Variants in KIFAP3 observed in about 807,000 individuals in gnomAD.
KIFAP3 encodes kinesin-associated protein 3.
KIFAP3 carries 68 observed loss-of-function variants against 106.5 expected under a neutral mutation model. The observed-to-expected ratio is 0.64, with a 90% confidence interval of 0.53 to 0.78. The LOEUF (loss-of-function observed/expected upper bound fraction) is 0.78, where lower values mean the gene tolerates loss of function less well. Among genes scored for constraint, KIFAP3 ranks in the 30% least tolerant of loss-of-function variants. KIFAP3 has a pLI of 0.00. For synonymous variants in KIFAP3, 320 were observed against 311.5 expected (o/e 1.03, Z -0.29); for missense variants, 780 against 941.8 (o/e 0.83, Z 2.25).
intron 9 of KIFAP3, among the ~76,000 whole-genome samples, chr1:170,019,828 T>C (rs1398084258): frequency 6.6e-6 from 1 of 152,178 alleles, no homozygotes; most frequent in Non-Finnish European, 1.5e-5. Flanking sequence ...CTAGAGGGCA[T>C]ACCCAGTGCA....
intron 10 of KIFAP3, among the ~76,000 whole-genome samples, chr1:169,997,362 A>AT (rs199813320): frequency 0.014 from 2,080 of 152,238 alleles, 115 homozygotes; most frequent in Admixed American, 0.09. Flanking sequence ...TGACAATAAC[A>AT]TTTTTTCTGT....
At chr1:169,926,646 TTAAG>T (rs1376695575) in intron 19 of KIFAP3, among the ~76,000 whole-genome samples, 4 of 148,366 alleles carry the variant, frequency 2.7e-5, no homozygotes, top group East Asian at 2.0e-4. Flanking sequence ...ACATGTAACA[TTAAG>T]TTTTTTCTGT....
At chr1:169,924,774 C>T (rs752582160) in intron 19 of KIFAP3, among the ~76,000 whole-genome samples, 6 of 152,094 alleles carry the variant, frequency 3.9e-5, no homozygotes, top group Admixed American at 1.3e-4. Context: ...GTTCAAAACC[C>T]GGAGAGTTTT....
intron 9 of KIFAP3, among the ~76,000 whole-genome samples, chr1:170,020,160 T>G (rs1237165115): frequency 6.6e-6 from 1 of 152,178 alleles, no homozygotes; most frequent in Non-Finnish European, 1.5e-5. Context: ...AAGACCCACA[T>G]AAATAGAAAG....
intron 1 of KIFAP3, among the ~76,000 whole-genome samples, chr1:170,083,062 G>T (rs1350634077): frequency 6.6e-6 from 1 of 151,998 alleles, no homozygotes; most frequent in African/African-American, 2.4e-5. Flanking sequence ...GAGAAAACCA[G>T]TTCTTAAAAA....
At chr1:169,983,424 A>G (rs1666634923) in intron 12 of KIFAP3, 42 bp from the exon 13 acceptor site, 2 of 1,369,480 alleles carry the variant, frequency 1.5e-6, no homozygotes, top group Non-Finnish European at 1.0e-6. Flanking sequence ...GGTTAGCTTA[A>G]GTTTAATAAT....
rs1022236623 is a variant in KIFAP3 at position 169,934,777 on chromosome 1, T to C, written c.2274-12996A>G. 3.9e-5 allele frequency among the ~76,000 whole-genome samples: 6 copies of C among 152,054 alleles called. No individual in the cohort carries two copies. In the East Asian group the frequency reaches 7.7e-4, roughly 20 times the overall value. ...TATTCTGAATGAACATATAGGTATA[T>C]CTATATTTGTTATTTCAAGTATGCA... On this transcript the variant is annotated intron_variant, in intron 19 of 19. Transcript: ENST00000361580.
At chr1:170,007,928 C>A (rs922541705) in intron 10 of KIFAP3, among the ~76,000 whole-genome samples, 12 of 152,072 alleles carry the variant, frequency 7.9e-5, no homozygotes, top group African/African-American at 2.4e-4. Context: ...GATATATAGA[C>A]CAATGGAAGA....
intron 2 of KIFAP3, among the ~76,000 whole-genome samples, chr1:170,050,803 T>C (rs917963264): frequency 1.3e-5 from 2 of 152,178 alleles, no homozygotes. Flanking sequence ...TGAGGGATTC[T>C]GTCACAACCA....
At chr1:169,949,438 G>A (rs1210498445) in intron 19 of KIFAP3, among the ~76,000 whole-genome samples, 1 of 151,920 alleles carries the variant, frequency 6.6e-6, no homozygotes, top group Admixed American at 6.6e-5. Context: ...AGCAGTCTCT[G>A]CAATTTTTTT....
At chr1:170,070,485 A>G (rs1389505612) in intron 1 of KIFAP3, among the ~76,000 whole-genome samples, 1 of 152,128 alleles carries the variant, frequency 6.6e-6, no homozygotes, top group Admixed American at 6.5e-5. Context: ...GTGCAGGAAT[A>G]AACCCCAACA....
rs888773353 is a variant in KIFAP3 at position 170,031,883 on chromosome 1, T to C, written c.841+3A>G. 32 of 1,581,880 alleles carry C rather than the reference T, an allele frequency of 2.0e-5. No individual in the cohort carries two copies. The highest frequency in any genetic ancestry group is 2.8e-5 in the Non-Finnish European group (32 of 1,152,422). ...GCTTTCCTCATTGCTTAGGAATTCA[T>C]ACCTCGTAATAGCTGTTCCTGTTTT... is the stretch of plus-strand genomic sequence containing the variant. On this transcript the variant is annotated splice_donor_region_variant and intron_variant, in intron 8 of 19. Coordinates refer to ENST00000361580, the MANE Select transcript of KIFAP3 (RefSeq NM_014970.4).
At chr1:169,945,658 A>T (rs1664402984) in intron 19 of KIFAP3, among the ~76,000 whole-genome samples, 1 of 152,214 alleles carries the variant, frequency 6.6e-6, no homozygotes, top group African/African-American at 2.4e-5. Context: ...TAAATTGAAC[A>T]CTAACTTGAA....
At chr1:169,941,600 T>C (rs1475980878) in intron 19 of KIFAP3, among the ~76,000 whole-genome samples, 1 of 152,142 alleles carries the variant, frequency 6.6e-6, no homozygotes, top group Admixed American at 6.5e-5. Context: ...TTTCCTTTTT[T>C]GATTTATTTT....
intron 17 of KIFAP3, among the ~76,000 whole-genome samples, chr1:169,972,103 T>C (rs910427766): frequency 6.6e-6 from 1 of 152,026 alleles, no homozygotes; most frequent in African/African-American, 2.4e-5. Context: ...CAACTGTATG[T>C]ATAAAATAAA....
chr1:170,012,944 T>C (rs1229376987), intron 10 of KIFAP3, among the ~76,000 whole-genome samples: 1 of 152,126 alleles, frequency 6.6e-6, no homozygotes, highest in Non-Finnish European at 1.5e-5. Context: ...TATGATTCAA[T>C]TATCACCACC....
At chr1:170,013,973 CT>C (rs1422301342) in intron 10 of KIFAP3, among the ~76,000 whole-genome samples, 2 of 152,174 alleles carry the variant, frequency 1.3e-5, no homozygotes, top group Non-Finnish European at 2.9e-5. Flanking sequence ...TTTATGACAT[CT>C]TTTTCTATCA....
At chr1:169,951,670 G>T (rs1664737663) in intron 19 of KIFAP3, among the ~76,000 whole-genome samples, 1 of 151,716 alleles carries the variant, frequency 6.6e-6, no homozygotes, top group Non-Finnish European at 1.5e-5. Flanking sequence ...TAGAGATTTT[G>T]CTGAATTGAG....
At chr1:169,981,875 T>C (rs1394362142) in intron 15 of KIFAP3, 97 bp downstream of exon 15, 6 of 976,884 alleles carry the variant, frequency 6.1e-6, no homozygotes, top group Middle Eastern at 2.9e-4. Context: ...ATTAATGTAA[T>C]GAGAAAAACA....
Sources: allele counts gnomAD v4.1 joint callset (sites outside exome capture counted in the v4.1 genomes callset), GRCh38; gene constraint gnomAD v4.1.1; transcripts MANE v1.5; gene names NCBI Gene and HGNC (gene_info 2026-07-23, HGNC 2026-07-21).